IGF2BP1: variants seen among roughly 807,000 people sequenced by gnomAD.
IGF2BP1 encodes insulin like growth factor 2 mRNA binding protein 1.
In IGF2BP1, 11 loss-of-function variants were observed where a neutral mutation model predicts 74.9. That is an observed-to-expected ratio of 0.15 (90% CI 0.09 to 0.24). IGF2BP1 has a LOEUF of 0.24. Among genes scored for constraint, IGF2BP1 ranks in the 10% least tolerant of loss-of-function variants. The pLI, the probability that IGF2BP1 is intolerant of heterozygous loss-of-function variation, is 1.00. For missense variants in IGF2BP1, 440 were observed against 757.4 expected (o/e 0.58, Z 4.92); for synonymous variants, 287 against 281.8 (o/e 1.02, Z -0.18).
At position 49,053,857 on chromosome 17, in the gene IGF2BP1, T is replaced by C. The variant is rs904624841; in HGVS notation, c.*4413T>C. Reference sequence around the variant, plus strand: ...CCCTGAAGTGTTTATGGGGAGATCCTAGTGGCTTTGCCATTCAAACCACTC... The same window carrying C: ...CCCTGAAGTGTTTATGGGGAGATCCCAGTGGCTTTGCCATTCAAACCACTC... On this transcript the variant is annotated 3_prime_UTR_variant, in exon 15 of 15. Coordinates refer to ENST00000290341, the MANE Select transcript of IGF2BP1 (RefSeq NM_006546.4). 5 of 152,666 alleles carry C rather than the reference T, an allele frequency of 3.3e-5. No individual in the cohort carries two copies. The highest frequency in any genetic ancestry group is 1.2e-4 in the African/African-American group (5 of 41,460). 9.5% of individuals were successfully genotyped at this position (152,666 alleles called of 1,614,324 possible).
intron 9 of IGF2BP1, among the ~76,000 whole-genome samples, chr17:49,042,991 T>A (rs905191564): frequency 6.6e-6 from 1 of 152,182 alleles, no homozygotes; most frequent in Admixed American, 6.5e-5. Flanking sequence ...ACTCATCTGA[T>A]TTTTAAAGGA....
At chr17:49,016,600 G>A (rs371846915) in intron 2 of IGF2BP1, among the ~76,000 whole-genome samples, 26 of 152,238 alleles carry the variant, frequency 1.7e-4, no homozygotes, top group East Asian at 7.7e-4. Flanking sequence ...GTGCGTGTAT[G>A]CCACATACAT....
intron 2 of IGF2BP1, among the ~76,000 whole-genome samples, chr17:49,014,360 T>C (rs1240292087): frequency 6.8e-6 from 1 of 146,470 alleles, no homozygotes; most frequent in Non-Finnish European, 1.5e-5. Context: ...CCCGCTCTGC[T>C]GCGCTTTCCC....
At position 49,049,557 on chromosome 17, in the gene IGF2BP1, G is replaced by A. The variant is rs988534119; in HGVS notation, c.*113G>A. 7.2e-6 allele frequency: 6 copies of A among 835,252 alleles called. No individual in the cohort carries two copies. The African/African-American group carries it at 8.4e-5, about 12-fold the overall frequency. 51.7% of individuals were successfully genotyped at this position (835,252 alleles called of 1,614,324 possible). A position where few individuals can be genotyped will look rare whatever the true frequency, so the allele number is the denominator to read the frequency against. On this transcript the variant is annotated 3_prime_UTR_variant, in exon 15 of 15. Coordinates refer to ENST00000290341, the MANE Select transcript of IGF2BP1 (RefSeq NM_006546.4). ...GAATCCGGGACACCTGGGCCGGGCT[G>A]TAGATCAGGTTTGCCCACTTGATTG...
intron 5 of IGF2BP1, among the ~76,000 whole-genome samples, chr17:49,033,993 A>C (rs139137316): frequency 0.014 from 2,150 of 151,654 alleles, 33 homozygotes; most frequent in Non-Finnish European, 0.019. Flanking sequence ...CCAATTTAAA[A>C]ATTTTTAATA....
At chr17:49,022,426 C>T (rs998508843) in intron 2 of IGF2BP1, among the ~76,000 whole-genome samples, 1 of 152,158 alleles carries the variant, frequency 6.6e-6, no homozygotes, top group Non-Finnish European at 1.5e-5. Flanking sequence ...CCGCCCCTCC[C>T]GCTGTTGTGT....
rs141490905 is a variant in IGF2BP1, at chr17:49,051,520, G to A, written c.*2076G>A. ...CTACCTGATAGGATTAAAAGGCCTA[G>A]TGGAGCTGGGGGCTCTCAGTGGTTA... On this transcript the variant is annotated 3_prime_UTR_variant, in exon 15 of 15. Transcript: ENST00000290341. 1 of 152,360 alleles carries A rather than the reference G, an allele frequency of 6.6e-6. No individual in the cohort carries two copies. The highest frequency in any genetic ancestry group is 2.4e-5 in the African/African-American group (1 of 41,580). The allele number at this position is 152,360 out of a possible 1,614,324, so 9.4% of individuals were successfully genotyped here.
intron 5 of IGF2BP1, among the ~76,000 whole-genome samples, chr17:49,032,391 CT>C (rs1345271378): frequency 6.6e-6 from 1 of 152,052 alleles, no homozygotes; most frequent in East Asian, 1.9e-4. Context: ...ATTCCTCAAC[CT>C]TGGGATGCTG....
intron 2 of IGF2BP1, among the ~76,000 whole-genome samples, chr17:49,004,096 C>T (rs1259741388): frequency 6.6e-6 from 1 of 152,162 alleles, no homozygotes; most frequent in Non-Finnish European, 1.5e-5. Flanking sequence ...CCGGCAATCT[C>T]GTCTCGCTCT....
At chr17:49,002,303 C>T (rs942882964) in intron 2 of IGF2BP1, among the ~76,000 whole-genome samples, 1 of 152,042 alleles carries the variant, frequency 6.6e-6, no homozygotes, top group African/African-American at 2.4e-5. Context: ...GAAGGGATGT[C>T]TTATAAATGG....
chr17:48,998,617 T>A (rs1241259273), intron 1 of IGF2BP1, among the ~76,000 whole-genome samples: 2 of 149,824 alleles, frequency 1.3e-5, no homozygotes, highest in Non-Finnish European at 3.0e-5. Flanking sequence ...CCCGCTCCGC[T>A]CCCCCAGGTC....
rs1322314265 is a variant in IGF2BP1, at chr17:49,055,286, T to C, written c.*5842T>C. 4.8e-6 allele frequency: 1 copy of C among 208,596 alleles called. No individual in the cohort carries two copies. The highest frequency in any genetic ancestry group is 2.3e-5 in the African/African-American group (1 of 43,684). The allele number at this position is 208,596 out of a possible 1,614,324, so 12.9% of individuals were successfully genotyped here. Reference sequence around the variant, plus strand: ...GGCGATTTTCTTCACTTGTTTAAGATAACGTGCTAGCTATTCCAACAGGTA... The same window carrying C: ...GGCGATTTTCTTCACTTGTTTAAGACAACGTGCTAGCTATTCCAACAGGTA... On this transcript the variant is annotated 3_prime_UTR_variant, in exon 15 of 15. Coordinates refer to ENST00000290341, the MANE Select transcript of IGF2BP1 (RefSeq NM_006546.4).
intron 2 of IGF2BP1, among the ~76,000 whole-genome samples, chr17:49,022,193 C>T (rs977513517): frequency 6.6e-6 from 1 of 152,104 alleles, no homozygotes; most frequent in Admixed American, 6.5e-5. Flanking sequence ...CCCAAGTTCC[C>T]AACACACTGC....
intron 5 of IGF2BP1, among the ~76,000 whole-genome samples, chr17:49,034,748 A>AC (rs1171257115): frequency 2.4e-5 from 2 of 83,856 alleles, no homozygotes; most frequent in Admixed American, 1.2e-4. Flanking sequence ...AAAAAAACAC[A>AC]AAAAAAACAA....
At chr17:49,010,036 C>T (rs1279228973) in intron 2 of IGF2BP1, among the ~76,000 whole-genome samples, 20 of 151,108 alleles carry the variant, frequency 1.3e-4, no homozygotes, top group African/African-American at 3.9e-4. Context: ...GCCGAGATTG[C>T]GCCACTGCAC....
intron 4 of IGF2BP1, among the ~76,000 whole-genome samples, chr17:49,029,976 C>G (rs985086901): frequency 6.6e-6 from 1 of 152,034 alleles, no homozygotes; most frequent in South Asian, 2.1e-4. Flanking sequence ...CTTGCCAAAC[C>G]ATTTTCCTAG....
Position 49,049,756 on chromosome 17 carries a change from G to A in IGF2BP1, c.*312G>A. 4.3e-6 allele frequency: 1 copy of A among 233,118 alleles called. No homozygotes were observed. 14.4% of individuals were successfully genotyped at this position (233,118 alleles called of 1,614,324 possible). On this transcript the variant is annotated 3_prime_UTR_variant, in exon 15 of 15. Coordinates refer to ENST00000290341, the MANE Select transcript of IGF2BP1 (RefSeq NM_006546.4). The stretch of plus-strand genomic sequence containing the variant: ...CAAGAGGGTGGATCACACCTCAGTG[G>A]GAAGAAAAATAAAATTTCCTTCAGG...
At chr17:49,034,745 CACAAAAA>C (rs1567822880) in intron 5 of IGF2BP1, among the ~76,000 whole-genome samples, 7 of 119,694 alleles carry the variant, frequency 5.8e-5, no homozygotes, top group African/African-American at 2.6e-4. Flanking sequence ...TCAAAAAAAA[CACAAAAA>C]AAACAAAAAA....
chr17:49,017,223 G>A lies in IGF2BP1; in HGVS notation c.237-8395G>A, dbSNP rs528780396. On this transcript the variant is annotated intron_variant, in intron 2 of 14. Transcript: ENST00000290341. ...AGCAGAATCACCTACTTCTGAAGGG[G>A]TCCAGTGAGCAGCTCTCCCTCACTC... Among the ~76,000 whole-genome samples, 8 of 152,178 alleles carry A rather than the reference G, an allele frequency of 5.3e-5. No individual in the cohort carries two copies. In the South Asian group the frequency reaches 1.7e-3, roughly 32 times the overall value.
Sources: gnomAD v4.1 joint callset for allele counts (sites outside exome capture counted in the v4.1 genomes callset) on GRCh38, gnomAD v4.1.1 for gene constraint, MANE v1.5 for transcripts, NCBI Gene and HGNC (gene_info 2026-07-23, HGNC 2026-07-21) for gene names.